The following AHNAK variants were observed in gnomAD, a reference collection of about 807,000 sequenced individuals.
AHNAK encodes neuroblast differentiation-associated protein AHNAK.
A neutral mutation model predicts 37.8 loss-of-function variants in AHNAK; 23 were observed. The observed-to-expected ratio is 0.61, with a 90% CI of 0.44 to 0.86. AHNAK has a LOEUF of 0.86. Ranked by LOEUF, AHNAK falls within the 40% of genes least tolerant of loss-of-function variation. The pLI, the probability that AHNAK is intolerant of heterozygous loss-of-function variation, is 0.00. For missense variants in AHNAK, 7,411 were observed against 7,319.4 expected (o/e 1.01, Z -0.46); for synonymous variants, 2,481 against 2,636.3 (o/e 0.94, Z 1.80).
intron 5 of AHNAK, among the ~76,000 whole-genome samples, chr11:62,473,511 G>A (rs1488339412): frequency 4.0e-5 from 6 of 151,452 alleles, no homozygotes; most frequent in South Asian, 4.2e-4. Context: ...GTGAAACCCC[G>A]TCTCTCCTAA....
chr11:62,514,224 G>A (rs994189612), downstream of AHNAK, among the ~76,000 whole-genome samples: 2 of 152,096 alleles, frequency 1.3e-5, no homozygotes, highest in South Asian at 2.1e-4. Flanking sequence ...TCACCCCACC[G>A]TCACCCACTT....
chr11:62,523,704 A>T lies in AHNAK; in HGVS notation c.10713T>A (p.Asp3571Glu). 6.2e-7 allele frequency: 1 copy of T among 1,612,876 alleles called. No individual in the cohort carries two copies. The highest frequency in any genetic ancestry group is 8.5e-7 in the Non-Finnish European group (1 of 1,179,776). Residue 3571 changes from aspartate (D) to glutamate (E), a missense_variant, in exon 5 of 5, where the codon GAT becomes GAA. Physicochemically the swap from Asp to Glu is conservative, Grantham distance 45. Coordinates refer to ENST00000378024, the MANE Select transcript of AHNAK (RefSeq NM_001620.3). The part of the protein sequence containing the change: ...VDISLPKLEG[D>E]LKGPEVDIKG... ...TGATATCAACCTCTGGCCCTTTCAG[A>T]TCCCCTTCAAGTTTGGGAAGAGAAA...
At chr11:62,449,655 C>T (rs975365625) in intron 5 of AHNAK, among the ~76,000 whole-genome samples, 50 of 152,302 alleles carry the variant, frequency 3.3e-4, no homozygotes, top group African/African-American at 1.2e-3. Context: ...AAAGCTACCA[C>T]CCAACACCTG....
At chr11:62,514,792 C>T (rs1939978395), downstream of AHNAK, among the ~76,000 whole-genome samples, 1 of 152,194 alleles carries the variant, frequency 6.6e-6, no homozygotes, top group Non-Finnish European at 1.5e-5. Flanking sequence ...CTATCTCTTT[C>T]CAAATCCATG....
intron 5 of AHNAK, among the ~76,000 whole-genome samples, chr11:62,470,303 A>G (rs937542163): frequency 7.2e-5 from 11 of 152,248 alleles, no homozygotes; most frequent in Admixed American, 3.3e-4. Flanking sequence ...AAAATTAGCC[A>G]GGCATGGTGG....
chr11:62,533,572 G>A lies in AHNAK; in HGVS notation c.845C>T (p.Ser282Phe). 6.2e-7 allele frequency: 1 copy of A among 1,614,146 alleles called. No homozygotes were observed. The highest frequency in any genetic ancestry group is 8.5e-7 in the Non-Finnish European group (1 of 1,180,022). ...GVQVPAVDIS[S>F]SLGGRAVEVQ... ...CTCTACTGCCCTACCCCCAAGAGAA[G>A]ATGAAATGTCCACTGCTGGAACTTG... The change falls in exon 5 of 5, where the codon TCT (serine) becomes TTT (phenylalanine). Residue 282 changes from serine to phenylalanine, a missense_variant. Transcript: ENST00000378024.
chr11:62,517,256 T>G lies in AHNAK; in HGVS notation c.17161A>C (p.Lys5721Gln), dbSNP rs776626002. The change falls in exon 5 of 5, where the codon AAA (lysine) becomes CAA (glutamine). Residue 5721 changes from lysine to glutamine, a missense_variant. Coordinates refer to ENST00000378024, the MANE Select transcript of AHNAK (RefSeq NM_001620.3). Reference protein sequence around the residue: ...KIKMPKFNFSKPKGKGGVTGS... With the variant: ...KIKMPKFNFSQPKGKGGVTGS... ...GTGACACCACCTTTCCCTTTAGGTT[T>G]GGAAAAATTAAACTTGGGCATTTTG... The G allele has an allele frequency of 6.2e-7, 1 of 1,614,150 alleles. No individual in the cohort carries two copies. Among genetic ancestry groups the G allele is most frequent in the East Asian group, 2.2e-5 (1 of 44,884 alleles).
At chr11:62,506,552 C>T (rs544141841) in intron 4 of AHNAK, among the ~76,000 whole-genome samples, 6 of 152,124 alleles carry the variant, frequency 3.9e-5, no homozygotes, top group African/African-American at 1.4e-4. Context: ...GTTCTCCCCC[C>T]AGACAGGAGG....
At chr11:62,539,394 G>C (rs904391677) in intron 1 of AHNAK, among the ~76,000 whole-genome samples, 1 of 152,234 alleles carries the variant, frequency 6.6e-6, no homozygotes, top group Non-Finnish European at 1.5e-5. Flanking sequence ...GCCAGCGAGG[G>C]GGAAAGAGCT....
Position 62,516,240 on chromosome 11 carries a change from CCA to C in AHNAK, c.*502_*503del. On this transcript the variant is annotated 3_prime_UTR_variant, in exon 5 of 5. Coordinates refer to ENST00000378024, the MANE Select transcript of AHNAK (RefSeq NM_001620.3). ...AAACACCCACACACCCTGACTACCA[CCA>C]CCTCTGGGCCATCTGTGGGCGTTTG... is the stretch of plus-strand genomic sequence containing the variant. The C allele has an allele frequency of 7.8e-7, 1 of 1,289,106 alleles. No homozygotes were observed. Among genetic ancestry groups the C allele is most frequent in the Non-Finnish European group, 1.0e-6 (1 of 988,718 alleles). 79.9% of individuals were successfully genotyped at this position (1,289,106 alleles called of 1,614,324 possible).
intron 5 of AHNAK, among the ~76,000 whole-genome samples, chr11:62,440,995 T>C (rs1938294681): frequency 6.6e-6 from 1 of 151,338 alleles, no homozygotes; most frequent in Admixed American, 6.6e-5. Context: ...GAGATACCCG[T>C]CTGTATAATT....
Position 62,530,060 on chromosome 11 carries a change from T to C in AHNAK, c.4357A>G (p.Ile1453Val), listed in dbSNP as rs115524499. The change falls in exon 5 of 5, where the codon ATA becomes GTA. Residue 1453 changes from isoleucine to valine, a missense_variant. Transcript: ENST00000378024. Reference sequence around the variant, plus strand: ...TTCAAATGCAAACCAACATCTGGTATGGATATCTTCTGAGGCTTTATACTC... The same window carrying C: ...TTCAAATGCAAACCAACATCTGGTACGGATATCTTCTGAGGCTTTATACTC... Reference protein sequence around the residue: ...EMSIKPQKISIPDVGLHLKGP... With the variant: ...EMSIKPQKISVPDVGLHLKGP... The C allele has an allele frequency of 1.7e-4, 273 of 1,613,984 alleles. 1 individual carries two copies. The East Asian group carries it at 6.1e-3, about 36-fold the overall frequency.
At chr11:62,473,001 C>T (rs1188508205) in intron 5 of AHNAK, among the ~76,000 whole-genome samples, 1 of 143,742 alleles carries the variant, frequency 7.0e-6, no homozygotes, top group East Asian at 2.2e-4. Context: ...ACAAGAATCA[C>T]TTGAACCCAG....
At position 62,519,019 on chromosome 11, in the gene AHNAK, C is replaced by T. The variant is rs1006974969; in HGVS notation, c.15398G>A (p.Gly5133Asp). ...GGGAGCCTTCGCCTTGATGTCAAGACCTTCGACGTGAATCGCTGGCAAAGA... is the reference window on the plus strand; with the variant it reads ...GGGAGCCTTCGCCTTGATGTCAAGATCTTCGACGTGAATCGCTGGCAAAGA... ...ELSLPAIHVE[G>D]LDIKAKAPKV... The change falls in exon 5 of 5, where the codon GGT becomes GAT. Residue 5133 changes from glycine (G) to aspartate (D), a missense_variant. Coordinates refer to ENST00000378024, the MANE Select transcript of AHNAK (RefSeq NM_001620.3). 6.2e-7 allele frequency: 1 copy of T among 1,613,520 alleles called. No homozygotes were observed. Among genetic ancestry groups the T allele is most frequent in the Admixed American group, 1.7e-5 (1 of 59,966 alleles).
chr11:62,543,347 G>A (rs1016855615), intron 1 of AHNAK, among the ~76,000 whole-genome samples: 4 of 152,144 alleles, frequency 2.6e-5, no homozygotes, highest in Admixed American at 2.0e-4. Context: ...CGATGACAAC[G>A]CAGGCAGAGG....
chr11:62,528,696 G>A lies in AHNAK; in HGVS notation c.5721C>T (p.Gly1907=). 2 of 1,575,898 alleles carry A rather than the reference G, an allele frequency of 1.3e-6. No homozygotes were observed. Among genetic ancestry groups the A allele is most frequent in the Non-Finnish European group, 8.6e-7 (1 of 1,166,816 alleles). The change falls in exon 5 of 5, where the codon GGC becomes GGT. Residue 1907 remains glycine, a synonymous_variant. Coordinates refer to ENST00000378024, the MANE Select transcript of AHNAK (RefSeq NM_001620.3). ...ELECPDAKLK[G]PKFKMPDMHF... The stretch of plus-strand genomic sequence containing the variant: ...GCATGTCTGGCATCTTAAATTTAGG[G>A]CCTTTCAACTTTGCATCAGGACACT...
intron 5 of AHNAK, among the ~76,000 whole-genome samples, chr11:62,465,035 G>A (rs1348702762): frequency 6.6e-6 from 1 of 152,008 alleles, no homozygotes; most frequent in African/African-American, 2.4e-5. Flanking sequence ...TCTCACACTT[G>A]CTGTTCCTCC....
intron 5 of AHNAK, among the ~76,000 whole-genome samples, chr11:62,464,774 T>C (rs1270213060): frequency 6.6e-6 from 1 of 151,992 alleles, no homozygotes; most frequent in Non-Finnish European, 1.5e-5. Context: ...GAGGCTACAG[T>C]GAGCTGTGAT....
At chr11:62,487,521 T>C (rs1392452202) in intron 5 of AHNAK, among the ~76,000 whole-genome samples, 1 of 152,254 alleles carries the variant, frequency 6.6e-6, no homozygotes, top group African/African-American at 2.4e-5. Flanking sequence ...AAGTGTCTTT[T>C]TTTTTTGAGA....
Sources: allele counts gnomAD v4.1 joint callset (sites outside exome capture counted in the v4.1 genomes callset), GRCh38; gene constraint gnomAD v4.1.1; transcripts MANE v1.5; gene names NCBI Gene and HGNC (gene_info 2026-07-23, HGNC 2026-07-21).